Variants in DUSP14 observed in about 807,000 individuals in gnomAD.
The protein encoded by DUSP14 is dual specificity protein phosphatase 14.
In DUSP14, 5 loss-of-function variants were observed where a neutral mutation model predicts 13.2. The ratio of observed to expected loss-of-function variants is 0.38; its 90% CI spans 0.20 to 0.80. DUSP14 has a LOEUF of 0.80. DUSP14 is among the 30% of genes least tolerant of loss of function. The pLI is 0.44. For missense variants in DUSP14, 185 were observed against 264.0 expected (o/e 0.70, Z 2.07); for synonymous variants, 91 against 103.4 (o/e 0.88, Z 0.73).
chr17:37,511,271 A>G (rs1426981751), intron 2 of DUSP14, among the ~76,000 whole-genome samples: 1 of 152,026 alleles, frequency 6.6e-6, no homozygotes, highest in Non-Finnish European at 1.5e-5. Context: ...AATGATAGGA[A>G]ATAGTTTTTG....
intron 1 of DUSP14, among the ~76,000 whole-genome samples, chr17:37,495,052 G>A (rs920153379): frequency 1.3e-5 from 2 of 152,220 alleles, no homozygotes; most frequent in African/African-American, 4.8e-5. Context: ...AGGAGGAGGA[G>A]TAAGAAGTCG....
Position 37,512,229 on chromosome 17 carries a change from C to G in DUSP14, c.-44C>G. 2 of 1,514,948 alleles carry G rather than the reference C, an allele frequency of 1.3e-6. No individual in the cohort carries two copies. Among genetic ancestry groups the G allele is most frequent in the Non-Finnish European group, 1.8e-6 (2 of 1,123,176 alleles). The allele number at this position is 1,514,948 out of a possible 1,614,324, so 93.8% of individuals were successfully genotyped here. A position where few individuals can be genotyped will look rare whatever the true frequency, so the allele number is the denominator to read the frequency against. On this transcript the variant is annotated 5_prime_UTR_variant, in exon 3 of 3. Coordinates refer to ENST00000617516, the MANE Select transcript of DUSP14 (RefSeq NM_007026.4). This position sits in a 1 kb window ranked among gnomAD's most constrained non-coding sequence, Gnocchi z 4.8. ...CCTTGGTGGAGGAAAATAAAACACT[C>G]TGGTCTTGCCGCCAACGATGCAAGT... is the stretch of plus-strand genomic sequence containing the variant.
At chr17:37,498,782 A>T (rs529839942) in intron 1 of DUSP14, among the ~76,000 whole-genome samples, 1 of 152,134 alleles carries the variant, frequency 6.6e-6, no homozygotes, top group African/African-American at 2.4e-5. Context: ...TACTCTTAAT[A>T]ATATTTTTAG....
At chr17:37,500,591 T>A (rs574392744) in intron 1 of DUSP14, among the ~76,000 whole-genome samples, 3 of 152,352 alleles carry the variant, frequency 2.0e-5, no homozygotes, top group South Asian at 2.1e-4. Context: ...GTGATTTTTT[T>A]AAGCACTTTG....
intron 1 of DUSP14, among the ~76,000 whole-genome samples, chr17:37,504,683 C>T (rs1463404423): frequency 6.6e-6 from 1 of 151,606 alleles, no homozygotes; most frequent in African/African-American, 2.4e-5. Context: ...ACTCAAGTGA[C>T]CTCCTCATCT....
intron 1 of DUSP14, among the ~76,000 whole-genome samples, chr17:37,494,678 G>C (rs1468744534): frequency 6.6e-6 from 1 of 152,196 alleles, no homozygotes; most frequent in South Asian, 2.1e-4. Context: ...GAGGGCAGCC[G>C]TTAAATTCAG....
chr17:37,504,619 G>T (rs1364983057), intron 1 of DUSP14, among the ~76,000 whole-genome samples: 1 of 152,142 alleles, frequency 6.6e-6, no homozygotes, highest in African/African-American at 2.4e-5. Context: ...ATGAGACAGG[G>T]TCACCCTGGC....
chr17:37,497,742 CAA>C (rs71368456), intron 1 of DUSP14, among the ~76,000 whole-genome samples: 47 of 127,598 alleles, frequency 3.7e-4, no homozygotes, highest in South Asian at 5.1e-4. Context: ...GATTCTTGCT[CAA>C]AAAAAAAAAA....
intron 1 of DUSP14, among the ~76,000 whole-genome samples, chr17:37,503,101 C>T (rs746205943): frequency 7.9e-5 from 12 of 152,116 alleles, no homozygotes; most frequent in Non-Finnish European, 1.5e-4. Context: ...GGGACATCAG[C>T]CCCACTGTTG....
intron 1 of DUSP14, among the ~76,000 whole-genome samples, chr17:37,491,233 GC>G (rs1404292268): frequency 1.3e-5 from 2 of 152,164 alleles, no homozygotes; most frequent in Non-Finnish European, 2.9e-5. Flanking sequence ...ACTCATAAAG[GC>G]CCCCAGTCTT....
upstream of DUSP14, among the ~76,000 whole-genome samples, chr17:37,489,264 G>T (rs2054008464): frequency 6.6e-6 from 1 of 152,070 alleles, no homozygotes; most frequent in South Asian, 2.1e-4. Flanking sequence ...AGACTCGGAC[G>T]GCACCTTGGC....
chr17:37,503,997 C>G (rs1179327779), intron 1 of DUSP14, among the ~76,000 whole-genome samples: 2 of 152,156 alleles, frequency 1.3e-5, no homozygotes, highest in African/African-American at 4.8e-5. Flanking sequence ...AGTTTGAGAC[C>G]AGCCTGGCCA....
In DUSP14 at chr17:37,512,137, A is replaced by C. The variant is rs1355189965; in HGVS notation, c.-92-44A>C. On this transcript the variant is annotated intron_variant, in intron 2 of 2. Transcript: ENST00000617516. The surrounding 1 kb of genome is among the most constrained non-coding windows in gnomAD (Gnocchi z 4.8). Reference sequence around the variant, plus strand: ...ACAAATGTGACAGAAGGCTGTGATGAATCAGTAGCATTTAAAGTACTGACA... The same window carrying C: ...ACAAATGTGACAGAAGGCTGTGATGCATCAGTAGCATTTAAAGTACTGACA... 8.8e-6 allele frequency: 6 copies of C among 682,100 alleles called. No individual in the cohort carries two copies. In the East Asian group the frequency reaches 1.5e-4, roughly 17 times the overall value. 42.3% of individuals were successfully genotyped at this position (682,100 alleles called of 1,614,324 possible).
chr17:37,502,347 A>ATTT (rs916192784), intron 1 of DUSP14, among the ~76,000 whole-genome samples: 8 of 139,968 alleles, frequency 5.7e-5, no homozygotes, highest in South Asian at 2.3e-4. Context: ...ATGCCCAGCA[A>ATTT]TTTTTTTTTT....
At chr17:37,491,085 C>T (rs1383178006) in intron 1 of DUSP14, among the ~76,000 whole-genome samples, 2 of 152,214 alleles carry the variant, frequency 1.3e-5, no homozygotes, top group African/African-American at 2.4e-5. Context: ...CTGGACAAGT[C>T]ACAGTTTCTC....
chr17:37,513,195 C>A lies in DUSP14; in HGVS notation c.*326C>A. The A allele has an allele frequency of 3.2e-6, 1 of 308,550 alleles. No individual in the cohort carries two copies. The highest frequency in any genetic ancestry group is 6.3e-6 in the Non-Finnish European group (1 of 157,612). The allele number at this position is 308,550 out of a possible 1,614,324, so 19.1% of individuals were successfully genotyped here. A position where few individuals can be genotyped will look rare whatever the true frequency, so the allele number is the denominator to read the frequency against. ...CATGCCTTTGGCACCTTGGTAGGTG[C>A]AGGAGGAGCTCAGTGCAAAAATCAC... On this transcript the variant is annotated 3_prime_UTR_variant, in exon 3 of 3. Coordinates refer to ENST00000617516, the MANE Select transcript of DUSP14 (RefSeq NM_007026.4).
chr17:37,488,594 C>T (rs1320842450), upstream of DUSP14, among the ~76,000 whole-genome samples: 1 of 152,182 alleles, frequency 6.6e-6, no homozygotes, highest in Non-Finnish European at 1.5e-5. Flanking sequence ...GCAAAGTATG[C>T]TGCTTTGTTT....
chr17:37,496,916 A>G (rs2054069091), intron 1 of DUSP14, among the ~76,000 whole-genome samples: 1 of 25,738 alleles, frequency 3.9e-5, no homozygotes, highest in African/African-American at 1.1e-4. Flanking sequence ...ACTCTGTCTC[A>G]AAAAAAAAAA....
At chr17:37,504,924 C>T (rs1460696376) in intron 1 of DUSP14, among the ~76,000 whole-genome samples, 2 of 151,900 alleles carry the variant, frequency 1.3e-5, no homozygotes, top group African/African-American at 4.8e-5. Context: ...CAGAGTCTTG[C>T]TCTGTTAACC....
Sources: allele counts gnomAD v4.1 joint callset (sites outside exome capture counted in the v4.1 genomes callset), GRCh38; gene constraint gnomAD v4.1.1; non-coding constraint Gnocchi (gnomAD v3.1); transcripts MANE v1.5; gene names NCBI Gene and HGNC (gene_info 2026-07-23, HGNC 2026-07-21).